Variants in SLC5A5 observed in about 807,000 individuals in gnomAD.
The protein encoded by SLC5A5 is sodium/iodide cotransporter.
In SLC5A5, 56 loss-of-function variants were observed where a neutral mutation model predicts 68.6. The ratio of observed to expected loss-of-function variants is 0.82; its 90% CI spans 0.66 to 1.02. The LOEUF is 1.02. Among genes scored for constraint, SLC5A5 ranks in the 50% least tolerant of loss-of-function variants. SLC5A5 has a pLI of 0.00. For missense variants in SLC5A5, 807 were observed against 859.8 expected (o/e 0.94, Z 0.77); for synonymous variants, 398 against 373.0 (o/e 1.07, Z -0.77).
In SLC5A5 at chr19:17,877,820, G is replaced by A. The variant is rs1041573772; in HGVS notation, c.796G>A (p.Val266Met). ...CATGTATGGCGTGAACCAGGCGCAG[G>A]TGCAGCGCTACGTGGCTTGCCGCAC... ...LSMYGVNQAQ[V>M]QRYVACRTEK... is the part of the protein sequence containing the mutation. Residue 266 changes from valine to methionine, a missense_variant, in exon 6 of 15, where the codon GTG becomes ATG. Coordinates refer to ENST00000222248, the MANE Select transcript of SLC5A5 (RefSeq NM_000453.3). 1.2e-6 allele frequency: 2 copies of A among 1,614,098 alleles called. No individual in the cohort carries two copies. Among genetic ancestry groups the A allele is most frequent in the African/African-American group, 1.3e-5 (1 of 74,936 alleles).
rs138250437 is a variant in SLC5A5 at position 17,878,055 on chromosome 19, G to A, written c.931G>A (p.Asp311Asn). ...IVMFVFYTDC[D>N]PLLLGRISAP... ...CATGTTTGTGTTCTACACTGACTGC[G>A]ACCCTCTCCTCCTGGGGCGCATCTC... Residue 311 changes from aspartate to asparagine, a missense_variant, in exon 7 of 15, where the codon GAC (aspartate) becomes AAC (asparagine). Coordinates refer to ENST00000222248, the MANE Select transcript of SLC5A5 (RefSeq NM_000453.3). 8 of 1,612,778 alleles carry A rather than the reference G, an allele frequency of 5.0e-6. No homozygotes were observed. Among genetic ancestry groups the A allele is most frequent in the South Asian group, 3.3e-5 (3 of 91,074 alleles).
At chr19:17,888,303 G>A in intron 12 of SLC5A5, 28 bp from the exon 13 acceptor site, 1 of 1,612,900 alleles carries the variant, frequency 6.2e-7, no homozygotes, top group Non-Finnish European at 8.5e-7. Flanking sequence ...AAAAGAGGAG[G>A]TTCAAGTCTG....
At chr19:17,883,526 G>C (rs893496929) in intron 10 of SLC5A5, among the ~76,000 whole-genome samples, 155 bp from the exon 11 acceptor site, 17 of 152,000 alleles carry the variant, frequency 1.1e-4, no homozygotes, top group Non-Finnish European at 2.1e-4. Flanking sequence ...GGAACAAGGG[G>C]GGGGGGTCCT....
rs79893861 is a variant in SLC5A5 at position 17,875,994 on chromosome 19, G to A, written c.586G>A (p.Val196Met). 336 of 1,614,166 alleles carry A rather than the reference G, an allele frequency of 2.1e-4. No individual in the cohort carries two copies. Among genetic ancestry groups the A allele is most frequent in the Non-Finnish European group, 2.7e-4 (321 of 1,180,028 alleles). Reference protein sequence around the residue: ...AVVWTDVFQVVVMLSGFWVVL... With the variant: ...AVVWTDVFQVMVMLSGFWVVL... ...GGTCTGGACTGATGTGTTCCAGGTC[G>A]TGGTGATGCTAAGTGGCTTCTGGGT... Residue 196 changes from valine to methionine, a missense_variant, in exon 5 of 15, where the codon GTG becomes ATG. By Grantham distance (21) the Val-to-Met change is conservative (BLOSUM62 1). Transcript: ENST00000222248.
intron 10 of SLC5A5, 27 bp downstream of exon 10, chr19:17,882,246 G>C: frequency 1.3e-6 from 2 of 1,590,168 alleles, no homozygotes; most frequent in Non-Finnish European, 1.7e-6. Flanking sequence ...CCCCTGCCCT[G>C]GTCTCCTGAG....
Position 17,874,118 on chromosome 19 carries a change from C to A in SLC5A5, c.358-20C>A. ...TCCTGGGTAAGGACTGTCCAGGTGA[C>A]CTCGAGTCCCTCCTTGCAGTACCTG... On this transcript the variant is annotated intron_variant, in intron 1 of 14. Coordinates refer to ENST00000222248, the MANE Select transcript of SLC5A5 (RefSeq NM_000453.3). 1 of 1,591,660 alleles carries A rather than the reference C, an allele frequency of 6.3e-7. No individual in the cohort carries two copies. Among genetic ancestry groups the A allele is most frequent in the Non-Finnish European group, 8.6e-7 (1 of 1,159,992 alleles).
intron 14 of SLC5A5, among the ~76,000 whole-genome samples, chr19:17,892,287 G>A (rs2030204034): frequency 6.9e-6 from 1 of 143,966 alleles, no homozygotes; most frequent in South Asian, 2.5e-4. Flanking sequence ...GACAGAGCAA[G>A]ACTTCGTCAA....
In SLC5A5 at chr19:17,894,140, T is replaced by G; in HGVS notation, c.*263T>G. The G allele has an allele frequency of 2.7e-6, 1 of 365,160 alleles. No individual in the cohort carries two copies. The allele number at this position is 365,160 out of a possible 1,614,324, so 22.6% of individuals were successfully genotyped here. ...CCAAATAAGGCTGGGTTTTTCTCTC[T>G]CTCTTTTTTTTTTTTTTTTTTTTTT... On this transcript the variant is annotated 3_prime_UTR_variant, in exon 15 of 15. Transcript: ENST00000222248.
chr19:17,878,207 G>A, intron 7 of SLC5A5, 114 bp downstream of exon 7: 4 of 1,301,038 alleles, frequency 3.1e-6, no homozygotes, highest in Non-Finnish European at 4.4e-6. Flanking sequence ...CCAAGAAGTA[G>A]GAAAGAGCTG....
At chr19:17,893,664 G>A (rs746059369) in intron 14 of SLC5A5, 49 bp from the exon 15 acceptor site, 2 of 1,588,062 alleles carry the variant, frequency 1.3e-6, no homozygotes, top group Non-Finnish European at 1.7e-6. Flanking sequence ...CACGGAACAG[G>A]GTGGGGACAG....
At chr19:17,881,097 G>A in intron 8 of SLC5A5, 144 bp downstream of exon 8, 1 of 726,798 alleles carries the variant, frequency 1.4e-6, no homozygotes, top group Non-Finnish European at 2.5e-6. Flanking sequence ...GACAGCTCAG[G>A]TAGGCGCTGG....
At position 17,875,587 on chromosome 19, in the gene SLC5A5, ACC is replaced by A. The variant is rs59128676; in HGVS notation, c.544-357_544-356del. Among the ~76,000 whole-genome samples, 52 of 145,108 alleles carry A rather than the reference ACC, an allele frequency of 3.6e-4. 1 individual carries two copies. Among genetic ancestry groups the A allele is most frequent in the African/African-American group, 7.6e-4 (29 of 38,142 alleles). On this transcript the variant is annotated intron_variant, in intron 4 of 14. Transcript: ENST00000222248. Reference sequence around the variant, plus strand: ...AGACCAGCCTAGGCAACATAGTGAGACCCCCCCCCGCCCCCATCTCTACAAAA... The same window carrying A: ...AGACCAGCCTAGGCAACATAGTGAGACCCCCCCGCCCCCATCTCTACAAAA...
In SLC5A5 at chr19:17,884,006, C is replaced by A; in HGVS notation, c.1486C>A (p.Pro496Thr). ...AGTCAACGCCTCTGGCCTCCTGGACCCGGCTCTCCTCCCTGCTAACGACTC... is the reference window on the plus strand; with the variant it reads ...AGTCAACGCCTCTGGCCTCCTGGACACGGCTCTCCTCCCTGCTAACGACTC... ...LSVNASGLLD[P>T]ALLPANDSSR... is the part of the protein sequence containing the mutation. The change falls in exon 12 of 15, where the codon CCG becomes ACG. Residue 496 changes from proline to threonine, a missense_variant. Pro to Thr is a conservative substitution (Grantham distance 38). Transcript: ENST00000222248. 6.4e-7 allele frequency: 1 copy of A among 1,572,860 alleles called. No individual in the cohort carries two copies.
At chr19:17,876,160 T>A in intron 5 of SLC5A5, 54 bp downstream of exon 5, 1 of 1,589,562 alleles carries the variant, frequency 6.3e-7, no homozygotes, top group Non-Finnish European at 8.6e-7. Flanking sequence ...ACCAGTGCGG[T>A]GGCTCATGCC....
intron 12 of SLC5A5, among the ~76,000 whole-genome samples, chr19:17,887,159 T>G (rs2029950809): frequency 6.6e-6 from 1 of 152,198 alleles, no homozygotes. Flanking sequence ...GAGTTATAAT[T>G]TACATATTTT....
At chr19:17,876,586 G>T (rs1475085439) in intron 5 of SLC5A5, among the ~76,000 whole-genome samples, 4 of 151,172 alleles carry the variant, frequency 2.6e-5, no homozygotes, top group African/African-American at 9.7e-5. Context: ...AAATTAGGCT[G>T]GGCGCGGTGG....
At position 17,875,927 on chromosome 19, in the gene SLC5A5, T is replaced by C. The variant is rs771884110; in HGVS notation, c.544-25T>C. The C allele has an allele frequency of 3.1e-6, 5 of 1,613,908 alleles. No individual in the cohort carries two copies. In the South Asian group the frequency reaches 3.3e-5, roughly 11 times the overall value. On this transcript the variant is annotated intron_variant, in intron 4 of 14. Coordinates refer to ENST00000222248, the MANE Select transcript of SLC5A5 (RefSeq NM_000453.3). ...CAGGTCCCCCATCTAACCGCCCCTC[T>C]CCCTCTCTCTGTCCCATGCTGCAGG... is the stretch of plus-strand genomic sequence containing the variant.
Position 17,878,993 on chromosome 19 carries a change from A to C in SLC5A5, c.969+900A>C, listed in dbSNP as rs530489051. 6.7e-5 allele frequency among the ~76,000 whole-genome samples: 10 copies of C among 149,728 alleles called. No individual in the cohort carries two copies. In the East Asian group the frequency reaches 1.4e-3, roughly 21 times the overall value. On this transcript the variant is annotated intron_variant, in intron 7 of 14. Transcript: ENST00000222248. ...CCATCTCAAAAAAAAAAAAAACAAAAAAAAAAAACCAAAACAAGGCTGGGC... is the reference window on the plus strand; with the variant it reads ...CCATCTCAAAAAAAAAAAAAACAAACAAAAAAAACCAAAACAAGGCTGGGC...
In SLC5A5 at chr19:17,893,724, A is replaced by G; in HGVS notation, c.1779A>G (p.Glu593=). ...LDDNLVKGPE[E]LPTGNKKPPG... ...CCACTTTTCCCCAGGGTCCTGAAGA[A>G]CTCCCCACTGGAAACAAGAAGCCCC... Residue 593 remains glutamate, a synonymous_variant, in exon 15 of 15, where the codon GAA becomes GAG. Transcript: ENST00000222248. The G allele has an allele frequency of 6.2e-7, 1 of 1,613,680 alleles. No individual in the cohort carries two copies.
Sources: gnomAD v4.1 joint callset for allele counts (sites outside exome capture counted in the v4.1 genomes callset) on GRCh38, gnomAD v4.1.1 for gene constraint, MANE v1.5 for transcripts, NCBI Gene and HGNC (gene_info 2026-07-23, HGNC 2026-07-21) for gene names.